Variants in MAMDC2 observed in about 807,000 individuals in gnomAD.
MAMDC2 encodes the protein MAM domain-containing protein 2.
In MAMDC2, 57 loss-of-function variants were observed where a neutral mutation model predicts 89.8. The observed-to-expected ratio is 0.63, with a 90% confidence interval of 0.51 to 0.79. The LOEUF is 0.79. Ranked by LOEUF, MAMDC2 falls within the 30% of genes least tolerant of loss-of-function variation. MAMDC2 has a pLI of 0.00. For synonymous variants in MAMDC2, 313 were observed against 293.4 expected, an observed-to-expected ratio of 1.07 and a Z score of -0.68; for missense variants, 800 against 820.6, an observed-to-expected ratio of 0.97 and a Z score of 0.31.
chr9:70,202,956 C>A (rs1028274870), intron 11 of MAMDC2, among the ~76,000 whole-genome samples: 2 of 151,164 alleles, frequency 1.3e-5, no homozygotes, highest in Non-Finnish European at 3.0e-5. Context: ...TGTCTCTGCA[C>A]GTGAGATGGG....
intron 12 of MAMDC2, 55 bp downstream of exon 12, chr9:70,218,651 GTTCT>G (rs1487453194): frequency 4.6e-6 from 7 of 1,509,258 alleles, no homozygotes; most frequent in East Asian, 2.3e-5. Context: ...AGCTTCTGAT[GTTCT>G]TTCTTATTCT....
intron 5 of MAMDC2, among the ~76,000 whole-genome samples, chr9:70,124,462 G>A (rs753803219): frequency 1.3e-5 from 2 of 152,088 alleles, no homozygotes; most frequent in African/African-American, 2.4e-5. Flanking sequence ...GGGGATTCAG[G>A]ATGTTGAACA....
intron 4 of MAMDC2, 94 bp from the exon 5 acceptor site, chr9:70,112,899 GAA>G: frequency 6.7e-7 from 1 of 1,497,614 alleles, no homozygotes; most frequent in African/African-American, 1.4e-5. Context: ...AAGGAAGAGA[GAA>G]ACTTCTGAAT....
At chr9:70,065,658 G>A (rs561166915) in intron 2 of MAMDC2, among the ~76,000 whole-genome samples, 2 of 150,322 alleles carry the variant, frequency 1.3e-5, no homozygotes, top group Non-Finnish European at 3.0e-5. Flanking sequence ...TTATGATGTT[G>A]CATTTTGATA....
In MAMDC2 at chr9:70,170,561, C is replaced by T. The variant is rs117416859; in HGVS notation, c.1581C>T (p.Ser527=). 1.4e-3 allele frequency: 2,243 copies of T among 1,612,974 alleles called. 61 individuals are homozygous for T. The East Asian group carries it at 0.04, about 29-fold the overall frequency. ...TFTQEKRNRS[S]WHRRRGETPT... ...CTCAGGAGAAAAGAAACCGGAGCAG[C>T]TGGCACAGGAGGAGGGGAGAAACTC... Residue 527 remains serine (S), a synonymous_variant, in exon 11 of 14, where the codon AGC becomes AGT. Coordinates refer to ENST00000377182, the MANE Select transcript of MAMDC2 (RefSeq NM_153267.5).
intron 11 of MAMDC2, among the ~76,000 whole-genome samples, chr9:70,200,465 T>C (rs974102694): frequency 2.0e-5 from 3 of 151,558 alleles, no homozygotes; most frequent in Non-Finnish European, 4.4e-5. Context: ...CCTTGTAGTA[T>C]AGTTTGAAGT....
At position 70,121,069 on chromosome 9, in the gene MAMDC2, C is replaced by T. The variant is rs115117160; in HGVS notation, c.644-5090C>T. Among the ~76,000 whole-genome samples, 1,365 of 152,264 alleles carry T rather than the reference C, an allele frequency of 9.0e-3. 24 individuals carry two copies. The highest frequency in any genetic ancestry group is 0.032 in the African/African-American group (1,313 of 41,552). On this transcript the variant is annotated intron_variant, in intron 5 of 13. Transcript: ENST00000377182. ...TGGAGTGCAAATGTGGCCAGCAGGG[C>T]GCATCACAGCTGAGTCAGAGGATGC... is the stretch of plus-strand genomic sequence containing the variant.
At chr9:70,069,188 G>A (rs1403919854) in intron 2 of MAMDC2, among the ~76,000 whole-genome samples, 1 of 152,156 alleles carries the variant, frequency 6.6e-6, no homozygotes, top group East Asian at 1.9e-4. Flanking sequence ...TTCATCTCAT[G>A]TGTGCCATTT....
chr9:70,134,495 A>T (rs969538375), intron 7 of MAMDC2, among the ~76,000 whole-genome samples: 1 of 152,024 alleles, frequency 6.6e-6, no homozygotes, highest in Admixed American at 6.5e-5. Flanking sequence ...GCCCAGCCTC[A>T]AACTGAGAGC....
intron 11 of MAMDC2, among the ~76,000 whole-genome samples, chr9:70,183,068 A>G (rs2118580810): frequency 6.6e-6 from 1 of 152,264 alleles, no homozygotes; most frequent in East Asian, 1.9e-4. Flanking sequence ...CATTGGTTTC[A>G]AAACACATCT....
At chr9:70,148,758 G>A (rs988525075) in intron 9 of MAMDC2, among the ~76,000 whole-genome samples, 2 of 149,894 alleles carry the variant, frequency 1.3e-5, no homozygotes, top group African/African-American at 2.5e-5. Context: ...GGCCAGGCGC[G>A]GTGGCTCACG....
chr9:70,163,510 A>G (rs2032057066), intron 9 of MAMDC2, among the ~76,000 whole-genome samples: 1 of 152,088 alleles, frequency 6.6e-6, no homozygotes, highest in Admixed American at 6.5e-5. Context: ...TATAGGCGTG[A>G]GCCACTGTGC....
At chr9:70,186,253 T>C (rs1413425199) in intron 11 of MAMDC2, among the ~76,000 whole-genome samples, 2 of 152,192 alleles carry the variant, frequency 1.3e-5, no homozygotes, top group Non-Finnish European at 2.9e-5. Context: ...TTTTCTTTTG[T>C]GGGAAGTGTT....
chr9:70,174,397 G>C (rs2032435434), intron 11 of MAMDC2, among the ~76,000 whole-genome samples: 1 of 152,192 alleles, frequency 6.6e-6, no homozygotes, highest in African/African-American at 2.4e-5. Flanking sequence ...AAATGGAGCA[G>C]GTGAGGGAGT....
chr9:70,098,960 G>A (rs1828092705), intron 2 of MAMDC2, among the ~76,000 whole-genome samples: 1 of 152,166 alleles, frequency 6.6e-6, no homozygotes, highest in Non-Finnish European at 1.5e-5. Context: ...TTTCTTACCA[G>A]ATGACTTGAG....
intron 2 of MAMDC2, among the ~76,000 whole-genome samples, chr9:70,095,486 G>A (rs1041117683): frequency 6.6e-6 from 1 of 152,178 alleles, no homozygotes; most frequent in Non-Finnish European, 1.5e-5. Context: ...TAGAATTTTG[G>A]AGGGAGATGG....
chr9:70,066,146 G>A (rs894824012), intron 2 of MAMDC2, among the ~76,000 whole-genome samples: 1 of 152,158 alleles, frequency 6.6e-6, no homozygotes, highest in Non-Finnish European at 1.5e-5. Context: ...GATTGGGGCA[G>A]TTCAGAAAGA....
At chr9:70,056,613 G>A (rs1048998821) in intron 2 of MAMDC2, among the ~76,000 whole-genome samples, 9 of 152,250 alleles carry the variant, frequency 5.9e-5, no homozygotes, top group East Asian at 5.8e-4. Flanking sequence ...GGCACGCGGC[G>A]TGATTCATTT....
chr9:70,208,209 A>C (rs6560060), intron 11 of MAMDC2, among the ~76,000 whole-genome samples: 119,106 of 151,996 alleles, frequency 0.78, 46,805 homozygotes, highest in Admixed American at 0.83. Context: ...TTGAATCTAT[A>C]AATTACCTTG....
Sources: allele counts gnomAD v4.1 joint callset (sites outside exome capture counted in the v4.1 genomes callset), GRCh38; gene constraint gnomAD v4.1.1; transcripts MANE v1.5; gene names NCBI Gene and HGNC (gene_info 2026-07-23, HGNC 2026-07-21).